ARFGAP3: variants seen among roughly 807,000 people sequenced by gnomAD.
ARFGAP3 encodes the protein ADP-ribosylation factor GTPase-activating protein 3.
ARFGAP3 carries 72 observed loss-of-function variants against 75.0 expected under a neutral mutation model. The ratio of observed to expected loss-of-function variants is 0.96; its 90% CI spans 0.79 to 1.17. The LOEUF is 1.17. Ranked by LOEUF, ARFGAP3 falls within the 50% of genes most tolerant of loss-of-function variation. The probability of loss-of-function intolerance (pLI) is 0.00; values close to 1 mark genes in which losing one functional copy is unlikely to be tolerated. For synonymous variants in ARFGAP3, 221 were observed against 217.9 expected, an observed-to-expected ratio of 1.01 and a Z score of -0.13; for missense variants, 620 against 626.6, an observed-to-expected ratio of 0.99 and a Z score of 0.11.
Position 42,820,221 on chromosome 22 carries a change from C to T in ARFGAP3, c.812+2049G>A, listed in dbSNP as rs114070467. ...ACTCCCAAATACCAAGAGAAGCCATCGAAACACTCAAATCTAACCTTTCCC... is the reference window on the plus strand; with the variant it reads ...ACTCCCAAATACCAAGAGAAGCCATTGAAACACTCAAATCTAACCTTTCCC... On this transcript the variant is annotated intron_variant, in intron 9 of 15. Transcript: ENST00000263245. Among the ~76,000 whole-genome samples, 163 of 152,264 alleles carry T rather than the reference C, an allele frequency of 1.1e-3. 1 individual carries two copies. The highest frequency in any genetic ancestry group is 3.8e-3 in the African/African-American group (159 of 41,546).
chr22:42,813,098 G>A (rs1223905700), intron 11 of ARFGAP3, among the ~76,000 whole-genome samples: 1 of 152,248 alleles, frequency 6.6e-6, no homozygotes, highest in African/African-American at 2.4e-5. Flanking sequence ...AAAGAACTAA[G>A]ATCAATTCAG....
intron 2 of ARFGAP3, among the ~76,000 whole-genome samples, chr22:42,844,162 C>T (rs979972338): frequency 7.3e-5 from 11 of 151,594 alleles, no homozygotes; most frequent in Non-Finnish European, 1.5e-4. Flanking sequence ...TGGATTTTTT[C>T]CCAATTAGCT....
rs71186543 is a variant in ARFGAP3 at position 42,824,031 on chromosome 22, C to CT, written c.626-330dup. ...GCATTTAAAAAATATATTACAACAA[C>CT]TTTTTTTTTTTTTTTGAGACAGGGT... On this transcript the variant is annotated intron_variant, in intron 7 of 15. Coordinates refer to ENST00000263245, the MANE Select transcript of ARFGAP3 (RefSeq NM_014570.5). 2.0e-3 allele frequency among the ~76,000 whole-genome samples: 293 copies of CT among 143,530 alleles called. 4 individuals carry two copies. The highest frequency in any genetic ancestry group is 2.3e-3 in the Non-Finnish European group (151 of 65,736). 94.2% of individuals were successfully genotyped at this position (143,530 alleles called of 152,430 possible).
At position 42,799,104 on chromosome 22, in the gene ARFGAP3, G is replaced by C; in HGVS notation, c.1468C>G (p.Gln490Glu). ...PNAPDMAQFKQGVRSVAGKLS... is the reference protein window; with the variant it reads ...PNAPDMAQFKEGVRSVAGKLS... Reference sequence around the variant, plus strand: ...TTTCCAGCAACCGATCTCACTCCCTGCTTGAACTGCGCCATGTCGGGGGCG... The same window carrying C: ...TTTCCAGCAACCGATCTCACTCCCTCCTTGAACTGCGCCATGTCGGGGGCG... The change falls in exon 15 of 16, where the codon CAG becomes GAG. Residue 490 changes from glutamine to glutamate, a missense_variant. Gln to Glu is a conservative substitution (Grantham distance 29). Transcript: ENST00000263245. 6.2e-7 allele frequency: 1 copy of C among 1,614,200 alleles called. No homozygotes were observed. Among genetic ancestry groups the C allele is most frequent in the South Asian group, 1.1e-5 (1 of 91,090 alleles).
chr22:42,802,247 T>G (rs910655654), intron 14 of ARFGAP3, among the ~76,000 whole-genome samples: 1 of 150,766 alleles, frequency 6.6e-6, no homozygotes, highest in Admixed American at 6.6e-5. Context: ...ACGTGGGAGG[T>G]GGAAGTTTCC....
chr22:42,797,696 A>C, intron 15 of ARFGAP3, 91 bp from the exon 16 acceptor site: 1 of 1,612,076 alleles, frequency 6.2e-7, no homozygotes, highest in African/African-American at 1.3e-5. Flanking sequence ...CCAAATTGAC[A>C]CTGCAGCCCA....
chr22:42,839,123 GAA>G (rs59529328), intron 3 of ARFGAP3, among the ~76,000 whole-genome samples: 51,918 of 128,238 alleles, frequency 0.4, 10,312 homozygotes, highest in Non-Finnish European at 0.47. Context: ...AAAAAAAAAA[GAA>G]AAAAAAAAAA....
chr22:42,840,582 A>G (rs1926736945), intron 3 of ARFGAP3, among the ~76,000 whole-genome samples: 3 of 151,462 alleles, frequency 2.0e-5, no homozygotes, highest in South Asian at 4.2e-4. Flanking sequence ...ATACCCAGCT[A>G]ATTTTTGTTA....
chr22:42,810,899 G>C lies in ARFGAP3; in HGVS notation c.1110C>G (p.Ser370Arg). ...PVELRSSSFS[S>R]WDDSSDSYWK... is the part of the protein sequence containing the mutation. The stretch of plus-strand genomic sequence containing the variant: ...AATAGGAATCTGAACTGTCATCCCA[G>C]CTAGAGAAAGAACTGCTCCTTAACT... Residue 370 changes from serine to arginine, a missense_variant, in exon 12 of 16, where the codon AGC becomes AGG. Ser to Arg is a moderately radical substitution (Grantham distance 110, BLOSUM62 -1). Transcript: ENST00000263245. 6.2e-7 allele frequency: 1 copy of C among 1,614,200 alleles called. No individual in the cohort carries two copies. The highest frequency in any genetic ancestry group is 8.5e-7 in the Non-Finnish European group (1 of 1,180,044).
chr22:42,847,293 A>G (rs755926515), intron 2 of ARFGAP3: 6 of 421,370 alleles, frequency 1.4e-5, no homozygotes, highest in Non-Finnish European at 2.1e-5. Context: ...CAGCCTCCTG[A>G]GTAACTAGGA....
chr22:42,823,761 G>C (rs558234035), intron 7 of ARFGAP3, 59 bp from the exon 8 acceptor site: 1 of 1,404,854 alleles, frequency 7.1e-7, no homozygotes, highest in Non-Finnish European at 9.6e-7. Context: ...CTTTTTTAGT[G>C]TGTCTTTTAA....
intron 15 of ARFGAP3, among the ~76,000 whole-genome samples, chr22:42,798,422 G>C (rs550977229): frequency 5.3e-4 from 80 of 152,186 alleles, no homozygotes; most frequent in Non-Finnish European, 8.8e-4. Flanking sequence ...TCAATAGCCT[G>C]ACGTAAACAA....
In ARFGAP3 at chr22:42,797,541, C is replaced by G; in HGVS notation, c.*47G>C. On this transcript the variant is annotated 3_prime_UTR_variant, in exon 16 of 16. Coordinates refer to ENST00000263245, the MANE Select transcript of ARFGAP3 (RefSeq NM_014570.5). ...GCCGCCTGAGATGTGGTTACTTGTT[C>G]ATTTAAAGAGGAATTTCTCCAGGAA... 3.7e-6 allele frequency: 6 copies of G among 1,613,452 alleles called. No individual in the cohort carries two copies. Among genetic ancestry groups the G allele is most frequent in the Non-Finnish European group, 5.1e-6 (6 of 1,179,496 alleles).
intron 1 of ARFGAP3, among the ~76,000 whole-genome samples, chr22:42,848,036 G>C (rs1927100513): frequency 6.6e-6 from 1 of 150,632 alleles, no homozygotes; most frequent in African/African-American, 2.4e-5. Context: ...AACTAATTTA[G>C]TACTTTTAGT....
chr22:42,837,136 T>C (rs758340132), intron 3 of ARFGAP3, among the ~76,000 whole-genome samples: 1 of 152,098 alleles, frequency 6.6e-6, no homozygotes, highest in Admixed American at 6.6e-5. Context: ...AACAAGTTTG[T>C]GAACATCATG....
intron 1 of ARFGAP3, chr22:42,853,656 G>T: frequency 5.6e-6 from 1 of 177,212 alleles, no homozygotes; most frequent in South Asian, 1.2e-4. Context: ...CTGTGCCTTG[G>T]GATGGCTATG....
intron 2 of ARFGAP3, among the ~76,000 whole-genome samples, chr22:42,843,679 T>C (rs1400066224): frequency 6.6e-6 from 1 of 152,244 alleles, no homozygotes; most frequent in African/African-American, 2.4e-5. Context: ...TATCTTCTTA[T>C]TTACGTTGTA....
intron 1 of ARFGAP3, among the ~76,000 whole-genome samples, chr22:42,848,363 C>A (rs1233808349): frequency 6.6e-6 from 1 of 152,118 alleles, no homozygotes; most frequent in African/African-American, 2.4e-5. Flanking sequence ...CGCCCGCCAC[C>A]GCACCCGGCT....
At position 42,834,297 on chromosome 22, in the gene ARFGAP3, G is replaced by C; in HGVS notation, c.422C>G (p.Pro141Arg). The C allele has an allele frequency of 2.5e-6, 4 of 1,613,814 alleles. No homozygotes were observed. The highest frequency in any genetic ancestry group is 1.7e-5 in the Admixed American group (1 of 59,992). ...DLWLDSCVVPPLSPPPKEEDF... is the reference protein window; with the variant it reads ...DLWLDSCVVPRLSPPPKEEDF... ...TTCCTCCTTTGGTGGAGGGGACAAA[G>C]GTGGAACCACACAACTATCAAGCCA... The change falls in exon 5 of 16, where the codon CCT becomes CGT. Residue 141 changes from proline (P) to arginine (R), a missense_variant. Coordinates refer to ENST00000263245, the MANE Select transcript of ARFGAP3 (RefSeq NM_014570.5).
Sources: allele counts gnomAD v4.1 joint callset (sites outside exome capture counted in the v4.1 genomes callset), GRCh38; gene constraint gnomAD v4.1.1; transcripts MANE v1.5; gene names NCBI Gene and HGNC (gene_info 2026-07-23, HGNC 2026-07-21).